TBX10: variants seen among roughly 807,000 people sequenced by gnomAD.
TBX10 encodes the protein T-box transcription factor 10, also known as T-box transcription factor TBX10.
Under a neutral mutation model 32.4 loss-of-function variants are expected in TBX10, and 26 were observed. The observed-to-expected ratio is 0.80, with a 90% CI of 0.59 to 1.11. TBX10 has a LOEUF of 1.11. TBX10 is among the 50% of genes most tolerant of loss of function. The probability of loss-of-function intolerance (pLI) is 0.00; values close to 1 mark genes in which losing one functional copy is unlikely to be tolerated. For synonymous variants in TBX10, 195 were observed against 203.1 expected, an observed-to-expected ratio of 0.96 and a Z score of 0.34; for missense variants, 490 against 494.5, an observed-to-expected ratio of 0.99 and a Z score of 0.09.
At position 67,631,909 on chromosome 11, in the gene TBX10, G is replaced by T; in HGVS notation, c.869-15C>A. On this transcript the variant is annotated splice_polypyrimidine_tract_variant and intron_variant, in intron 7 of 7. Coordinates refer to ENST00000335385, the MANE Select transcript of TBX10 (RefSeq NM_005995.5). ...TTTGTTGGGGTCTGAGGGAGGAAAT[G>T]AGTGGACTCTGGGCCTCCCATCGCA... 1 of 1,561,266 alleles carries T rather than the reference G, an allele frequency of 6.4e-7. No individual in the cohort carries two copies. Among genetic ancestry groups the T allele is most frequent in the South Asian group, 1.2e-5 (1 of 84,920 alleles).
intron 4 of TBX10, 48 bp from the exon 5 acceptor site, chr11:67,633,151 G>A (rs61894500): frequency 0.11 from 171,237 of 1,590,890 alleles, 9,880 homozygotes; most frequent in African/African-American, 0.18. Context: ...GGAGTACAGC[G>A]GACTCCCTGA....
In TBX10 at chr11:67,635,019, C is replaced by G; in HGVS notation, c.252G>C (p.Glu84Asp). The G allele has an allele frequency of 1.2e-6, 2 of 1,613,706 alleles. No individual in the cohort carries two copies. The highest frequency in any genetic ancestry group is 1.7e-6 in the Non-Finnish European group (2 of 1,180,026). The stretch of plus-strand genomic sequence containing the variant: ...ACCTGCCTGCCTTGGTGACGATCAT[C>G]TCAGTGCCCAGCTGGTTGAATTCCT... ...LWEEFNQLGT[E>D]MIVTKAGRRM... The change falls in exon 2 of 8, where the codon GAG becomes GAC. Residue 84 changes from glutamate to aspartate, a missense_variant. This residue lies in a region of TBX10 where 307 missense variants were observed against 294.9 expected (regional missense o/e 1.04). Coordinates refer to ENST00000335385, the MANE Select transcript of TBX10 (RefSeq NM_005995.5).
rs759893702 is a variant in TBX10 at position 67,631,585 on chromosome 11, TC to T, written c.*19del. The T allele has an allele frequency of 8.5e-5, 134 of 1,582,514 alleles. No homozygotes were observed. The African/African-American group carries it at 1.7e-3, about 20-fold the overall frequency. ...GTGTAAGGTCCAGGGTAGCAGGGCTTCCCCCCAGGGCTTCTGGCATCACTGG... is the reference window on the plus strand; with the variant it reads ...GTGTAAGGTCCAGGGTAGCAGGGCTTCCCCCAGGGCTTCTGGCATCACTGG... On this transcript the variant is annotated 3_prime_UTR_variant, in exon 8 of 8. Transcript: ENST00000335385.
upstream of TBX10, among the ~76,000 whole-genome samples, chr11:67,641,143 G>C (rs987252721): frequency 3.9e-5 from 6 of 151,974 alleles, no homozygotes; most frequent in South Asian, 4.2e-4. Flanking sequence ...GATGATGGAG[G>C]GAGTTGGGGG....
upstream of TBX10, among the ~76,000 whole-genome samples, chr11:67,641,708 A>C (rs777531265): frequency 5.9e-5 from 9 of 152,216 alleles, no homozygotes; most frequent in Non-Finnish European, 1.3e-4. Context: ...ACAAGAGTCC[A>C]TTAGGCTCAG....
rs746415369 is a variant in TBX10, at chr11:67,631,887, G to C, written c.876C>G (p.Asn292Lys). 1.3e-6 allele frequency: 2 copies of C among 1,568,138 alleles called. No individual in the cohort carries two copies. The highest frequency in any genetic ancestry group is 3.9e-5 in the Admixed American group (2 of 51,568). ...TCTTGGAGGTGGAAGCTGAAGCTTT[G>C]TTGGGGTCTGAGGGAGGAAATGAGT... ...KGATDREKDP[N>K]KASASTSKTP... Residue 292 changes from asparagine to lysine, a missense_variant, in exon 8 of 8, where the codon AAC becomes AAG. This residue lies in a region of TBX10 where 177 missense variants were observed against 176.6 expected (regional missense o/e 1.00). Transcript: ENST00000335385.
chr11:67,632,452 GA>G (rs1471759859), intron 6 of TBX10, 40 bp from the exon 7 acceptor site: 2 of 1,601,792 alleles, frequency 1.2e-6, no homozygotes, highest in Admixed American at 1.7e-5. Context: ...GGATCAAGGG[GA>G]AGAACCCAGG....
intron 1 of TBX10, among the ~76,000 whole-genome samples, chr11:67,637,524 G>A (rs1855347391): frequency 1.3e-5 from 2 of 152,164 alleles, no homozygotes; most frequent in African/African-American, 4.8e-5. Context: ...GTCCTGATTG[G>A]CTAGTAACTT....
chr11:67,634,328 G>A lies in TBX10; in HGVS notation c.410C>T (p.Ala137Val), dbSNP rs778321159. ...AGGTGTGGCTGGGTCTGCCTTGCCC[G>A]CCACCAGCCAGGCCGAGCTGTGGAA... ...YAFHSSAWLV[A>V]GKADPATPGR... is the part of the protein sequence containing the mutation. The change falls in exon 4 of 8, where the codon GCG becomes GTG. Residue 137 changes from alanine (A) to valine (V), a missense_variant. By Grantham distance (64) the Ala-to-Val change is moderately conservative. Coordinates refer to ENST00000335385, the MANE Select transcript of TBX10 (RefSeq NM_005995.5). The A allele has an allele frequency of 5.6e-6, 9 of 1,606,542 alleles. No homozygotes were observed. Among genetic ancestry groups the A allele is most frequent in the African/African-American group, 1.3e-5 (1 of 75,050 alleles).
intron 3 of TBX10, 78 bp from the exon 4 acceptor site, chr11:67,634,438 G>T: frequency 8.4e-6 from 13 of 1,540,354 alleles, no homozygotes; most frequent in Non-Finnish European, 1.1e-5. Flanking sequence ...TGAAGGGGCT[G>T]CTGCCGACTC....
chr11:67,633,563 C>A (rs1421071903), intron 4 of TBX10, among the ~76,000 whole-genome samples: 1 of 152,238 alleles, frequency 6.6e-6, no homozygotes, highest in African/African-American at 2.4e-5. Context: ...CCTTGGCTTC[C>A]CCTCCTGGCT....
rs1159652529 is a variant in TBX10 at position 67,631,809 on chromosome 11, G to A, written c.954C>T (p.Ala318=). ...QLLPPPEVLL[A]PATYRPVTYQ... ...ACGTGACAGGCCTGTAGGTGGCCGGGGCCAGCAGGACCTCAGGTGGGGGCA... is the reference window on the plus strand; with the variant it reads ...ACGTGACAGGCCTGTAGGTGGCCGGAGCCAGCAGGACCTCAGGTGGGGGCA... Residue 318 remains alanine (A), a synonymous_variant, in exon 8 of 8, where the codon GCC becomes GCT. Coordinates refer to ENST00000335385, the MANE Select transcript of TBX10 (RefSeq NM_005995.5). 1.9e-6 allele frequency: 3 copies of A among 1,590,058 alleles called. No homozygotes were observed. The highest frequency in any genetic ancestry group is 2.6e-6 in the Non-Finnish European group (3 of 1,168,680).
chr11:67,638,829 T>C (rs908186778), intron 1 of TBX10, among the ~76,000 whole-genome samples: 22 of 152,018 alleles, frequency 1.4e-4, no homozygotes, highest in African/African-American at 4.8e-4. Context: ...ATCAGAAGGG[T>C]AGCTGGTTGT....
At chr11:67,633,205 G>A in intron 4 of TBX10, 102 bp from the exon 5 acceptor site, 2 of 1,432,172 alleles carry the variant, frequency 1.4e-6, no homozygotes, top group Non-Finnish European at 1.9e-6. Context: ...CCCTGGGCCT[G>A]CCACCCTGTT....
rs1855250629 is a variant in TBX10 at position 67,632,404 on chromosome 11, G to A, written c.782C>T (p.Ala261Val). The A allele has an allele frequency of 2.5e-6, 4 of 1,612,420 alleles. No homozygotes were observed. Among genetic ancestry groups the A allele is most frequent in the Non-Finnish European group, 2.5e-6 (3 of 1,179,936 alleles). The change falls in exon 7 of 8, where the codon GCC becomes GTC. Residue 261 changes from alanine (A) to valine (V), a missense_variant. Coordinates refer to ENST00000335385, the MANE Select transcript of TBX10 (RefSeq NM_005995.5). ...TGGGACACTGAGCAGGGGCCGTGGG[G>A]CCACAGGCCTGAAAGAGCAAGCGAG... ...RESDLDSWPV[A>V]PRPLLSVPAR...
chr11:67,633,248 AGGCTGCAGTT>A, intron 4 of TBX10, 145 bp from the exon 5 acceptor site: 1 of 1,051,542 alleles, frequency 9.5e-7, no homozygotes, highest in Non-Finnish European at 1.4e-6. Flanking sequence ...TGAGCTGGAG[AGGCTGCAGTT>A]CCGTGTCAAA....
chr11:67,634,116 G>C, intron 4 of TBX10, 73 bp downstream of exon 4: 1 of 1,591,028 alleles, frequency 6.3e-7, no homozygotes, highest in Non-Finnish European at 8.5e-7. Flanking sequence ...TGGGCACCAA[G>C]GCCATTGGAC....
In TBX10 at chr11:67,633,048, T is replaced by C; in HGVS notation, c.605A>G (p.Asp202Gly). ...ATAGCGCTCACTGTCCTTGCGTGGG[T>C]CCACGAAGACCACGTGGAAACGGGG... ...YQPRFHVVFV[D>G]PRKDSERYAQ... Residue 202 changes from aspartate (D) to glycine (G), a missense_variant, in exon 5 of 8, where the codon GAC becomes GGC. Coordinates refer to ENST00000335385, the MANE Select transcript of TBX10 (RefSeq NM_005995.5). 12 of 1,614,118 alleles carry C rather than the reference T, an allele frequency of 7.4e-6. No individual in the cohort carries two copies. The highest frequency in any genetic ancestry group is 9.3e-6 in the Non-Finnish European group (11 of 1,179,974).
intron 7 of TBX10, 21 bp downstream of exon 7, chr11:67,632,297 T>C (rs1347208722): frequency 6.2e-7 from 1 of 1,612,756 alleles, no homozygotes; most frequent in South Asian, 1.1e-5. Context: ...TCCCACTATG[T>C]CTGCAGGCCT....
Sources: gnomAD v4.1 joint callset for allele counts (sites outside exome capture counted in the v4.1 genomes callset) on GRCh38, gnomAD v4.1.1 for gene constraint, gnomAD v4.1.1 regional missense constraint, MANE v1.5 for transcripts, NCBI Gene and HGNC (gene_info 2026-07-23, HGNC 2026-07-21) for gene names.